Variants in SHLD2 observed in about 807,000 individuals in gnomAD.
SHLD2 encodes RINN1-REV7-interacting novel NHEJ regulator 2.
SHLD2 carries 30 observed loss-of-function variants against 73.2 expected under a neutral mutation model. That is an observed-to-expected ratio of 0.41 (90% CI 0.31 to 0.56). The LOEUF is 0.56. SHLD2 is among the 20% of genes least tolerant of loss of function. SHLD2 has a pLI of 0.28. For synonymous variants in SHLD2, 285 were observed against 370.1 expected (o/e 0.77, Z 2.64); for missense variants, 745 against 1,055.9 (o/e 0.71, Z 4.08).
chr10:87,170,622 A>C lies in SHLD2; in HGVS notation c.1778A>C (p.Asp593Ala). The change falls in exon 5 of 10, where the codon GAT becomes GCT. Residue 593 changes from aspartate (D) to alanine (A), a missense_variant. Asp to Ala is a moderately radical substitution (Grantham distance 126). Around this residue, in one of 5 missense-constraint regions of SHLD2, gnomAD observed 418 missense variants for 567.8 expected, o/e 0.74. Transcript: ENST00000298786. ...DFVELEHLQP[D>A]VLVHAVLRVV... Reference sequence around the variant, plus strand: ...GTAGAATTGGAGCACCTTCAACCTGATGTATTAGTCCACGCAGTACTAAGA... The same window carrying C: ...GTAGAATTGGAGCACCTTCAACCTGCTGTATTAGTCCACGCAGTACTAAGA... 1 of 1,613,054 alleles carries C rather than the reference A, an allele frequency of 6.2e-7. No homozygotes were observed. The highest frequency in any genetic ancestry group is 8.5e-7 in the Non-Finnish European group (1 of 1,179,626).
At chr10:87,187,241 G>T in intron 9 of SHLD2, 41 bp downstream of exon 9, 2 of 1,156,648 alleles carry the variant, frequency 1.7e-6, no homozygotes, top group African/African-American at 1.5e-5. Flanking sequence ...TTTTATTCAG[G>T]AGTATAAATG....
chr10:87,164,468 G>T (rs1847059954), intron 4 of SHLD2, among the ~76,000 whole-genome samples: 1 of 151,796 alleles, frequency 6.6e-6, no homozygotes, highest in Non-Finnish European at 1.5e-5. Flanking sequence ...GCTCTGGCTG[G>T]TCTCGGACTC....
At chr10:87,150,211 C>T (rs1410516447) in intron 2 of SHLD2, among the ~76,000 whole-genome samples, 6 of 151,624 alleles carry the variant, frequency 4.0e-5, no homozygotes, top group Non-Finnish European at 5.9e-5. Flanking sequence ...ACTTTAGGCA[C>T]GGGCCATCAC....
intron 2 of SHLD2, among the ~76,000 whole-genome samples, chr10:87,136,299 C>T (rs1182187880): frequency 1.3e-5 from 2 of 151,726 alleles, no homozygotes; most frequent in Non-Finnish European, 1.5e-5. Context: ...TCTGGCACTA[C>T]AAGATGCGCT....
intron 7 of SHLD2, among the ~76,000 whole-genome samples, chr10:87,179,788 T>G (rs1848191916): frequency 6.6e-6 from 1 of 152,162 alleles, no homozygotes; most frequent in Non-Finnish European, 1.5e-5. Context: ...TTCGAAGGGA[T>G]TTCTTCTAAA....
At position 87,152,877 on chromosome 10, in the gene SHLD2, C is replaced by G; in HGVS notation, c.1523C>G (p.Thr508Arg). 1 of 1,610,768 alleles carries G rather than the reference C, an allele frequency of 6.2e-7. No homozygotes were observed. Among genetic ancestry groups the G allele is most frequent in the Non-Finnish European group, 8.5e-7 (1 of 1,179,428 alleles). ...TTTCTTGGAGATATAATTTTACTCA[C>G]AGGTGAGGTCATTATGGTATAGTGG... ...TVFLGDIILL[T>R]DVVIHEDQWI... Residue 508 changes from threonine (T) to arginine (R), a missense_variant and splice_region_variant, in exon 3 of 10, where the codon ACA becomes AGA. Transcript: ENST00000298786.
chr10:87,126,772 T>C (rs1420338112), intron 2 of SHLD2, among the ~76,000 whole-genome samples: 1 of 152,214 alleles, frequency 6.6e-6, no homozygotes, highest in Non-Finnish European at 1.5e-5. Context: ...TTAGTTGTCC[T>C]GCTAAGATAA....
intron 2 of SHLD2, among the ~76,000 whole-genome samples, chr10:87,147,072 G>GAAAAAAA (rs76041937): frequency 3.1e-5 from 3 of 95,314 alleles, no homozygotes; most frequent in African/African-American, 7.9e-5. Flanking sequence ...AAAAAAAAAA[G>GAAAAAAA]AAAAAAAAAA....
chr10:87,158,088 A>T lies in SHLD2; in HGVS notation c.1566A>T (p.Val522=), dbSNP rs577639245. The T allele has an allele frequency of 4.2e-5, 68 of 1,611,552 alleles. No homozygotes were observed. In the East Asian group the frequency reaches 1.3e-3, roughly 30 times the overall value. The change falls in exon 4 of 10, where the codon GTA becomes GTT. Residue 522 remains valine (V), a synonymous_variant. Coordinates refer to ENST00000298786, the MANE Select transcript of SHLD2 (RefSeq NM_001330112.2). ...IHEDQWIGET[V]LQSTFSSQLL... ...AGGACCAATGGATTGGCGAGACAGT[A>T]CTACAATCAACATTTAGCAGTCAGT...
intron 2 of SHLD2, among the ~76,000 whole-genome samples, chr10:87,149,583 C>T (rs1165258904): frequency 4.0e-5 from 6 of 151,644 alleles, no homozygotes; most frequent in African/African-American, 1.5e-4. Context: ...ATTAGCTGGG[C>T]GTGGTGGTAG....
chr10:87,153,347 A>G (rs1846149917), intron 3 of SHLD2, among the ~76,000 whole-genome samples: 1 of 152,220 alleles, frequency 6.6e-6, no homozygotes, highest in East Asian at 1.9e-4. Context: ...TTGAGGCTGC[A>G]GTGAGCTTTG....
At chr10:87,095,549 C>T (rs1042017990) in intron 1 of SHLD2, among the ~76,000 whole-genome samples, 6 of 152,190 alleles carry the variant, frequency 3.9e-5, no homozygotes, top group Non-Finnish European at 5.9e-5. Context: ...CGCGTAAGGC[C>T]GGGCTGAGGG....
chr10:87,104,436 A>C (rs1174502027), intron 2 of SHLD2, among the ~76,000 whole-genome samples: 7 of 151,772 alleles, frequency 4.6e-5, no homozygotes, highest in Admixed American at 4.6e-4. Flanking sequence ...AATCCAAGCT[A>C]CTTGGGAGGC....
intron 2 of SHLD2, among the ~76,000 whole-genome samples, chr10:87,098,235 T>C (rs1370501193): frequency 1.3e-5 from 2 of 151,862 alleles, no homozygotes; most frequent in Admixed American, 6.6e-5. Context: ...AGGGAGTGGC[T>C]GGGCGTGGTG....
At chr10:87,114,642 T>C (rs1215230638) in intron 2 of SHLD2, among the ~76,000 whole-genome samples, 1 of 152,106 alleles carries the variant, frequency 6.6e-6, no homozygotes, top group Non-Finnish European at 1.5e-5. Flanking sequence ...GGAGAATCAC[T>C]TGAACTCGGG....
chr10:87,124,502 C>T (rs1589481256), intron 2 of SHLD2, among the ~76,000 whole-genome samples: 1 of 152,236 alleles, frequency 6.6e-6, no homozygotes, highest in East Asian at 1.9e-4. Flanking sequence ...CACCACTGCA[C>T]TCCAGCCTGG....
intron 2 of SHLD2, among the ~76,000 whole-genome samples, chr10:87,145,162 C>T (rs1461437068): frequency 1.3e-5 from 2 of 151,944 alleles, no homozygotes; most frequent in East Asian, 1.9e-4. Context: ...AGGATGGTCT[C>T]GATCTCCTGA....
intron 2 of SHLD2, among the ~76,000 whole-genome samples, chr10:87,119,800 T>G (rs1843481802): frequency 6.7e-6 from 1 of 150,192 alleles, no homozygotes; most frequent in South Asian, 2.1e-4. Context: ...AAAAATCATG[T>G]ATATAGGACA....
chr10:87,175,333 T>G (rs1362645318), intron 6 of SHLD2, among the ~76,000 whole-genome samples: 2 of 151,820 alleles, frequency 1.3e-5, no homozygotes, highest in Admixed American at 1.3e-4. Flanking sequence ...AAGCAGTTGG[T>G]TATTATAAAT....
Sources: gnomAD v4.1 joint callset for allele counts (sites outside exome capture counted in the v4.1 genomes callset) on GRCh38, gnomAD v4.1.1 for gene constraint, gnomAD v4.1.1 regional missense constraint, MANE v1.5 for transcripts, NCBI Gene and HGNC (gene_info 2026-07-23, HGNC 2026-07-21) for gene names.